SLC12A5: variants seen among roughly 807,000 people sequenced by gnomAD.
SLC12A5 encodes solute carrier family 12 member 5.
SLC12A5 carries 18 observed loss-of-function variants against 124.0 expected under a neutral mutation model. The ratio of observed to expected loss-of-function variants is 0.15; its 90% CI spans 0.10 to 0.22. SLC12A5 has a LOEUF of 0.22. Ranked by LOEUF, SLC12A5 falls within the 10% of genes least tolerant of loss-of-function variation. SLC12A5 has a pLI of 1.00. For synonymous variants in SLC12A5, 589 were observed against 568.0 expected (o/e 1.04, Z -0.53); for missense variants, 867 against 1,478.7 (o/e 0.59, Z 6.78).
chr20:46,055,472 G>T (rs765188688), intron 21 of SLC12A5, among the ~76,000 whole-genome samples: 1 of 152,056 alleles, frequency 6.6e-6, no homozygotes, highest in Non-Finnish European at 1.5e-5. Flanking sequence ...GGGATCTCAG[G>T]GGTAATGGTG....
intron 16 of SLC12A5, among the ~76,000 whole-genome samples, chr20:46,048,367 T>G (rs927910663): frequency 6.6e-5 from 10 of 152,170 alleles, no homozygotes; most frequent in Admixed American, 6.5e-4. Context: ...CATTTTTTCA[T>G]AAAACATGAA....
chr20:46,029,476 C>T (rs1372295157), intron 1 of SLC12A5, 80 bp downstream of exon 1: 37 of 1,443,826 alleles, frequency 2.6e-5, no homozygotes, highest in Non-Finnish European at 3.0e-5. Flanking sequence ...GGAGCGGGGG[C>T]CACCTCCTTC....
Position 46,058,223 on chromosome 20 carries a change from C to A in SLC12A5, c.*618C>A, listed in dbSNP as rs916886092. On this transcript the variant is annotated 3_prime_UTR_variant, in exon 26 of 26. Transcript: ENST00000243964. This position sits in a 1 kb window ranked among gnomAD's most constrained non-coding sequence, Gnocchi z 5.8. ...TAGTCGAGCTCTCCCGCTGGGGGCACTGCGGGGAGGCGAGGCCTCGGGAAG... is the reference window on the plus strand; with the variant it reads ...TAGTCGAGCTCTCCCGCTGGGGGCAATGCGGGGAGGCGAGGCCTCGGGAAG... The A allele has an allele frequency of 9.1e-5, 34 of 373,086 alleles. No homozygotes were observed. The highest frequency in any genetic ancestry group is 5.6e-4 in the African/African-American group (27 of 48,314). The allele number at this position is 373,086 out of a possible 1,614,324, so 23.1% of individuals were successfully genotyped here.
intron 7 of SLC12A5, 142 bp from the exon 8 acceptor site, chr20:46,041,177 AGCCAATGGCC>A (rs1175948531): frequency 4.6e-6 from 3 of 650,940 alleles, no homozygotes; most frequent in Non-Finnish European, 7.7e-6. Context: ...AAAAAAAAAA[AGCCAATGGCC>A]AGGCTTCATT....
chr20:46,043,539 A>C, intron 9 of SLC12A5, 94 bp from the exon 10 acceptor site: 1 of 1,354,468 alleles, frequency 7.4e-7, no homozygotes, highest in Non-Finnish European at 1.0e-6. Flanking sequence ...ACTAGATCCC[A>C]GACTCACTGA....
At chr20:46,036,498 C>A in intron 4 of SLC12A5, 2 of 421,124 alleles carry the variant, frequency 4.7e-6, no homozygotes, top group South Asian at 2.8e-5. Flanking sequence ...TGAGACCAGG[C>A]TGGGATTTCC....
chr20:46,047,531 T>C lies in SLC12A5; in HGVS notation c.1865T>C (p.Met622Thr). The part of the protein sequence containing the change: ...ICSWYYALVA[M>T]LIAGLIYKYI... ...TCCTGGTATTATGCACTGGTAGCCA[T>C]GCTCATTGCTGGACTCATCTACAAG... Residue 622 changes from methionine to threonine, a missense_variant, in exon 15 of 26, where the codon ATG (methionine) becomes ACG (threonine). Met to Thr is a moderately conservative substitution (Grantham distance 81). Transcript: ENST00000243964. 6.2e-7 allele frequency: 1 copy of C among 1,614,050 alleles called. No homozygotes were observed. The highest frequency in any genetic ancestry group is 8.5e-7 in the Non-Finnish European group (1 of 1,179,972).
chr20:46,021,716 A>C (rs767185785), upstream of SLC12A5: 8 of 1,526,250 alleles, frequency 5.2e-6, no homozygotes, highest in African/African-American at 9.8e-5. Flanking sequence ...GGTTGCAGCC[A>C]CTTGTGCGAT....
At chr20:46,031,695 C>T (rs1469208016) in intron 1 of SLC12A5, among the ~76,000 whole-genome samples, 3 of 152,202 alleles carry the variant, frequency 2.0e-5, no homozygotes, top group East Asian at 3.9e-4. Flanking sequence ...GGGGAGGCTT[C>T]TTAGCCTGCG....
chr20:46,058,816 G>A lies in SLC12A5; in HGVS notation c.*1211G>A, dbSNP rs2084722554. On this transcript the variant is annotated 3_prime_UTR_variant, in exon 26 of 26. Transcript: ENST00000243964. The surrounding 1 kb of genome is among the most constrained non-coding windows in gnomAD (Gnocchi z 5.8). ...GAGCCGCCCGTGATGTTCCTCCCCC[G>A]TCCCCATCTGGCAGCTCCTGTCTCG... 1.0e-5 allele frequency: 4 copies of A among 397,774 alleles called. No individual in the cohort carries two copies. The highest frequency in any genetic ancestry group is 8.8e-5 in the Admixed American group (2 of 22,716). The allele number at this position is 397,774 out of a possible 1,614,324, so 24.6% of individuals were successfully genotyped here.
At chr20:46,022,093 G>A (rs2084360862) in intron 1 of SLC12A5, 1 of 558,044 alleles carries the variant, frequency 1.8e-6, no homozygotes, top group South Asian at 3.2e-5. Flanking sequence ...GGGGCCAAAC[G>A]CGAGGTGGGC....
At chr20:46,032,188 C>A (rs1299106348) in intron 1 of SLC12A5, among the ~76,000 whole-genome samples, 1 of 152,232 alleles carries the variant, frequency 6.6e-6, no homozygotes, top group Non-Finnish European at 1.5e-5. Flanking sequence ...CTCGGCGCTG[C>A]GCTCTCGGCC....
intron 1 of SLC12A5, among the ~76,000 whole-genome samples, chr20:46,033,133 A>G (rs555170589): frequency 4.7e-5 from 7 of 149,358 alleles, no homozygotes; most frequent in Non-Finnish European, 9.0e-5. Context: ...AGTCAGGAAG[A>G]GATTGGTTTT....
At chr20:46,052,628 A>G (rs2084656105) in intron 18 of SLC12A5, among the ~76,000 whole-genome samples, 2 of 152,226 alleles carry the variant, frequency 1.3e-5, no homozygotes, top group South Asian at 4.1e-4. Flanking sequence ...TCTCCTTTAT[A>G]GGTAGATCAT....
intron 8 of SLC12A5, among the ~76,000 whole-genome samples, chr20:46,042,637 G>A (rs929816727): frequency 1.3e-5 from 2 of 152,162 alleles, no homozygotes; most frequent in East Asian, 3.9e-4. Context: ...CTGGCCGGGA[G>A]TGTCACTAGT....
upstream of SLC12A5, chr20:46,021,781 A>G (rs914602539): frequency 9.8e-6 from 15 of 1,532,738 alleles, no homozygotes; most frequent in African/African-American, 1.9e-4. Context: ...CCGCAGGTTC[A>G]CGGTCACCTC....
intron 1 of SLC12A5, among the ~76,000 whole-genome samples, chr20:46,030,485 G>T (rs1466901878): frequency 1.8e-5 from 2 of 110,040 alleles, no homozygotes; most frequent in Non-Finnish European, 3.7e-5. Flanking sequence ...GCCCCCGAGC[G>T]GTCTCAGCCA....
At chr20:46,023,479 C>T (rs2084372990) in exon 3 of SLC12A5, 3 of 398,880 alleles carry the variant, frequency 7.5e-6, no homozygotes, top group East Asian at 3.6e-5. Flanking sequence ...CCTCACATGG[C>T]CACGACCACA....
rs759046935 is a variant in SLC12A5 at position 46,045,655 on chromosome 20, T to C, written c.1570-223T>C. ...TGCAGCTGCTTTCCCCCTCTAGGGA[T>C]CATTTGAACTTCATGGCACTGGGGT... On this transcript the variant is annotated intron_variant, in intron 12 of 25. Transcript: ENST00000243964. This position sits in a 1 kb window ranked among gnomAD's most constrained non-coding sequence, Gnocchi z 4.9. Among the ~76,000 whole-genome samples the C allele has an allele frequency of 2.6e-5, 4 of 152,052 alleles. No individual in the cohort carries two copies. Among genetic ancestry groups the C allele is most frequent in the Non-Finnish European group, 5.9e-5 (4 of 68,002 alleles).
Sources: gnomAD v4.1 joint callset for allele counts (sites outside exome capture counted in the v4.1 genomes callset) on GRCh38, gnomAD v4.1.1 for gene constraint, Gnocchi (gnomAD v3.1) non-coding constraint, MANE v1.5 for transcripts, NCBI Gene and HGNC (gene_info 2026-07-23, HGNC 2026-07-21) for gene names.